The following DACH2 variants were observed in gnomAD, a reference collection of about 807,000 sequenced individuals.
DACH2 encodes dachshund homolog 2.
Under a neutral mutation model 35.8 loss-of-function variants are expected in DACH2, and 17 were observed. The ratio of observed to expected loss-of-function variants is 0.48; its 90% CI spans 0.33 to 0.71. The LOEUF (loss-of-function observed/expected upper bound fraction) is 0.71, where lower values mean the gene tolerates loss of function less well. Among genes scored for constraint, DACH2 ranks in the 30% least tolerant of loss-of-function variants. DACH2 has a pLI of 0.02. For synonymous variants in DACH2, 195 were observed against 177.3 expected, an observed-to-expected ratio of 1.10 and a Z score of -0.79; for missense variants, 469 against 472.7, an observed-to-expected ratio of 0.99 and a Z score of 0.07.
At chrX:86,295,292 G>T (rs925473746) in intron 1 of DACH2, among the ~76,000 whole-genome samples, 3 of 111,861 alleles carry the variant, frequency 2.7e-5, no homozygotes, top group Admixed American at 9.4e-5. Flanking sequence ...CACGGTGCGC[G>T]CACCCACTGA....
At chrX:86,363,828 A>C (rs1218239040) in intron 1 of DACH2, among the ~76,000 whole-genome samples, 1 of 111,676 alleles carries the variant, frequency 9.0e-6, no homozygotes. Flanking sequence ...CCATAATAGT[A>C]TGTAAAGAAA....
chrX:86,566,252 GAAGTA>G (rs1156491094), intron 3 of DACH2, among the ~76,000 whole-genome samples: 1 of 111,673 alleles, frequency 9.0e-6, no homozygotes, highest in Non-Finnish European at 1.9e-5. Flanking sequence ...TCCAATTACA[GAAGTA>G]AAGTAATGTA....
chrX:86,389,952 CATA>C (rs1305933463), intron 2 of DACH2, among the ~76,000 whole-genome samples: 1 of 112,033 alleles, frequency 8.9e-6, no homozygotes, highest in East Asian at 2.8e-4. Flanking sequence ...TTGTCACGTT[CATA>C]ATAACAGACA....
chrX:86,251,274 T>C (rs2033394209), intron 1 of DACH2, among the ~76,000 whole-genome samples: 1 of 111,908 alleles, frequency 8.9e-6, no homozygotes, highest in Non-Finnish European at 1.9e-5. Flanking sequence ...TTCTTCTAAG[T>C]TTCATTAAAT....
chrX:86,706,074 G>T (rs959477936), intron 5 of DACH2, among the ~76,000 whole-genome samples: 12 of 110,787 alleles, frequency 1.1e-4, no homozygotes, highest in African/African-American at 3.9e-4. Flanking sequence ...GTGGTATAAT[G>T]GACATTGTAG....
In DACH2 at chrX:86,770,067, C is replaced by T. The variant is rs752828978; in HGVS notation, c.1240+30185C>T. ...AAAAGAAAAGTGCAATTACAATGGC[C>T]CTTTAGACTGTCCTCATTTTATATG... is the stretch of plus-strand genomic sequence containing the variant. On this transcript the variant is annotated intron_variant, in intron 7 of 11. Coordinates refer to ENST00000373125, the MANE Select transcript of DACH2 (RefSeq NM_053281.3). Among the ~76,000 whole-genome samples the T allele has an allele frequency of 2.4e-4, 26 of 109,752 alleles. 1 individual carries two copies. The highest frequency in any genetic ancestry group is 7.6e-5 in the Non-Finnish European group (4 of 52,515).
intron 2 of DACH2, among the ~76,000 whole-genome samples, chrX:86,453,789 C>G (rs1449917697): frequency 9.0e-6 from 1 of 111,429 alleles, no homozygotes; most frequent in Non-Finnish European, 1.9e-5. Flanking sequence ...TGTTTTTTAA[C>G]TGGGACAATT....
At chrX:86,225,568 C>T (rs1004305697) in intron 1 of DACH2, among the ~76,000 whole-genome samples, 5 of 110,390 alleles carry the variant, frequency 4.5e-5, no homozygotes, top group African/African-American at 1.6e-4. Flanking sequence ...TTTTGCTTCA[C>T]AAGGTTTCTC....
intron 1 of DACH2, among the ~76,000 whole-genome samples, chrX:86,300,913 G>C (rs1327657133): frequency 3.6e-5 from 4 of 112,085 alleles, no homozygotes; most frequent in Non-Finnish European, 7.5e-5. Flanking sequence ...CACCAGCTAA[G>C]AAAAGTTTTA....
chrX:86,399,572 G>A (rs1368199315), intron 2 of DACH2, among the ~76,000 whole-genome samples: 1 of 111,700 alleles, frequency 9.0e-6, no homozygotes, highest in Non-Finnish European at 1.9e-5. Flanking sequence ...TTTAGGGCAG[G>A]TCTGGTGTGA....
At chrX:86,610,404 TCTTTCTTTCTTTC>T (rs1407789091) in intron 3 of DACH2, among the ~76,000 whole-genome samples, 4 of 80,829 alleles carry the variant, frequency 4.9e-5, no homozygotes, top group African/African-American at 2.2e-4. Flanking sequence ...TTTCTTTCTT[TCTTTCTTTCTTTC>T]TTTTCTTTCT....
intron 2 of DACH2, among the ~76,000 whole-genome samples, chrX:86,409,435 G>A (rs2036576154): frequency 1.8e-5 from 2 of 111,363 alleles, no homozygotes. Context: ...ATTGGATCAT[G>A]GGGGTGGATG....
intron 1 of DACH2, among the ~76,000 whole-genome samples, chrX:86,219,977 A>AG (rs1252219975): frequency 1.0e-5 from 1 of 95,445 alleles, no homozygotes; most frequent in Non-Finnish European, 2.1e-5. Context: ...ACCAACATGG[A>AG]GAAACCCCAT....
intron 7 of DACH2, among the ~76,000 whole-genome samples, 162 bp downstream of exon 7, chrX:86,740,044 A>G (rs2041637746): frequency 8.9e-6 from 1 of 112,097 alleles, no homozygotes; most frequent in Non-Finnish European, 1.9e-5. Context: ...AATATGACTA[A>G]CAAAATGAAA....
intron 3 of DACH2, among the ~76,000 whole-genome samples, chrX:86,637,241 A>AAAAAAAAAC (rs1569457456): frequency 1.3e-5 from 1 of 77,926 alleles, no homozygotes; most frequent in Non-Finnish European, 2.4e-5. Flanking sequence ...AAAAAAAAAA[A>AAAAAAAAAC]AAAAACAGAT....
intron 4 of DACH2, among the ~76,000 whole-genome samples, chrX:86,675,383 A>G (rs35011033): frequency 0.17 from 19,211 of 111,164 alleles, 1,378 homozygotes; most frequent in East Asian, 0.49. Context: ...TTATAATTGC[A>G]ACATAAAATT....
chrX:86,686,407 A>G (rs938011902), intron 4 of DACH2, among the ~76,000 whole-genome samples: 3 of 109,056 alleles, frequency 2.8e-5, no homozygotes, highest in African/African-American at 1.0e-4. Flanking sequence ...TCATTTTTAT[A>G]TTGTTAGTAG....
chrX:86,831,960 G>A (rs2042616565), intron 11 of DACH2, 146 bp from the exon 12 acceptor site: 1 of 413,785 alleles, frequency 2.4e-6, no homozygotes, highest in African/African-American at 2.5e-5. Flanking sequence ...ATATAGAAAT[G>A]TTAAGAAATG....
intron 1 of DACH2, among the ~76,000 whole-genome samples, chrX:86,267,898 G>T (rs2033739750): frequency 8.9e-6 from 1 of 111,803 alleles, no homozygotes; most frequent in African/African-American, 3.3e-5. Flanking sequence ...ATAGATAAAA[G>T]AACTTCTCCT....
Sources: allele counts gnomAD v4.1 joint callset (sites outside exome capture counted in the v4.1 genomes callset), GRCh38; gene constraint gnomAD v4.1.1; transcripts MANE v1.5; gene names NCBI Gene and HGNC (gene_info 2026-07-23, HGNC 2026-07-21).